The following RERE variants were observed in gnomAD, a reference collection of about 807,000 sequenced individuals.
RERE encodes the protein arginine-glutamic acid dipeptide repeats protein.
In RERE, 40 loss-of-function variants were observed where a neutral mutation model predicts 146.1. That is an observed-to-expected ratio of 0.27 (90% CI 0.21 to 0.36). The LOEUF is 0.36. RERE is among the 10% of genes least tolerant of loss of function. The pLI is 1.00. For missense variants in RERE, 1,933 were observed against 2,138.7 expected, an observed-to-expected ratio of 0.90 and a Z score of 1.90; for synonymous variants, 1,003 against 866.0, an observed-to-expected ratio of 1.16 and a Z score of -2.78.
chr1:8,381,138 C>T (rs1309756806), intron 12 of RERE: 4 of 380,978 alleles, frequency 1.0e-5, no homozygotes, highest in Admixed American at 3.2e-5. Flanking sequence ...GTTTCCGATG[C>T]GCCTGTTTCC....
chr1:8,473,753 C>A (rs1644720334), intron 10 of RERE, among the ~76,000 whole-genome samples: 1 of 152,228 alleles, frequency 6.6e-6, no homozygotes, highest in Admixed American at 6.5e-5. Flanking sequence ...ATGGGCCTAA[C>A]ACCACCAGCC....
At chr1:8,357,129 G>A (rs536459620) in intron 20 of RERE, among the ~76,000 whole-genome samples, 33 of 152,178 alleles carry the variant, frequency 2.2e-4, no homozygotes, top group Non-Finnish European at 3.1e-4. Context: ...CGTGGCACAC[G>A]TCTTTCAACT....
At chr1:8,528,288 C>T (rs183841751) in intron 7 of RERE, among the ~76,000 whole-genome samples, 1 of 152,134 alleles carries the variant, frequency 6.6e-6, no homozygotes, top group East Asian at 1.9e-4. Flanking sequence ...CAAAGAGAGA[C>T]AAGGGATATT....
chr1:8,420,201 T>A (rs1643887593), intron 12 of RERE, among the ~76,000 whole-genome samples: 1 of 152,144 alleles, frequency 6.6e-6, no homozygotes, highest in East Asian at 1.9e-4. Context: ...CATGGTAGCG[T>A]GCACCTGTAA....
In RERE at chr1:8,354,950, G is replaced by A. The variant is rs553787964; in HGVS notation, c.*137C>T. ...ACACTACTATGTGGATACATTTTTA[G>A]TTGTGGGTTTTTAAATATATAAAGA... On this transcript the variant is annotated 3_prime_UTR_variant, in exon 23 of 23. Coordinates refer to ENST00000400908, the MANE Select transcript of RERE (RefSeq NM_001042681.2). The A allele has an allele frequency of 6.3e-5, 45 of 712,150 alleles. No individual in the cohort carries two copies. The East Asian group carries it at 1.1e-3, about 17-fold the overall frequency. 44.1% of individuals were successfully genotyped at this position (712,150 alleles called of 1,614,324 possible).
At chr1:8,525,674 G>T (rs946975840) in intron 7 of RERE, 4 of 1,363,214 alleles carry the variant, frequency 2.9e-6, no homozygotes, top group South Asian at 1.5e-5. Flanking sequence ...TATGAATGAT[G>T]AAATGATTCA....
chr1:8,567,950 G>A (rs949142993), intron 4 of RERE, among the ~76,000 whole-genome samples: 1 of 152,222 alleles, frequency 6.6e-6, no homozygotes, highest in South Asian at 2.1e-4. Context: ...CCTGACTGTG[G>A]GGTTAATATC....
intron 4 of RERE, among the ~76,000 whole-genome samples, chr1:8,562,223 C>G (rs1045551816): frequency 6.6e-6 from 1 of 152,126 alleles, no homozygotes; most frequent in African/African-American, 2.4e-5. Flanking sequence ...TAGTGTCATA[C>G]AGCAAATTAA....
chr1:8,445,639 T>C (rs183850210), intron 11 of RERE, among the ~76,000 whole-genome samples: 34 of 151,994 alleles, frequency 2.2e-4, no homozygotes, highest in Admixed American at 1.6e-3. Flanking sequence ...AGAAGACAGA[T>C]AGACAATCGT....
intron 11 of RERE, among the ~76,000 whole-genome samples, chr1:8,443,545 T>C (rs905436164): frequency 6.6e-6 from 1 of 151,826 alleles, no homozygotes; most frequent in African/African-American, 2.4e-5. Flanking sequence ...CTAGAGATAT[T>C]TGTGTAACTA....
At chr1:8,635,687 A>G (rs912226978) in intron 2 of RERE, among the ~76,000 whole-genome samples, 1 of 152,234 alleles carries the variant, frequency 6.6e-6, no homozygotes, top group African/African-American at 2.4e-5. Context: ...TTCTAAACAA[A>G]GTATATGAAA....
intron 7 of RERE, among the ~76,000 whole-genome samples, chr1:8,508,967 T>C (rs1645293919): frequency 3.3e-5 from 5 of 152,072 alleles, no homozygotes; most frequent in Admixed American, 3.3e-4. Flanking sequence ...CAGGCTGGAG[T>C]GCAGTGGCAC....
intron 4 of RERE, among the ~76,000 whole-genome samples, chr1:8,571,523 T>C (rs1646220756): frequency 6.6e-6 from 1 of 152,156 alleles, no homozygotes; most frequent in Non-Finnish European, 1.5e-5. Context: ...ATAAACAAAT[T>C]CAAATAGTTG....
At chr1:8,622,507 A>C (rs1646928556) in intron 3 of RERE, among the ~76,000 whole-genome samples, 1 of 139,942 alleles carries the variant, frequency 7.1e-6, no homozygotes, top group African/African-American at 2.6e-5. Flanking sequence ...AAAAAAAAAA[A>C]AAAACACACT....
rs1646146986 is a variant in RERE, at chr1:8,565,890, TG to T, written c.523-8368del. On this transcript the variant is annotated intron_variant, in intron 4 of 22. Coordinates refer to ENST00000400908, the MANE Select transcript of RERE (RefSeq NM_001042681.2). ...TGTATCCCAGGGTTCTGCTCTGACATGGGGACCAGTGGGTAAGGGGAAAAAC... is the reference window on the plus strand; with the variant it reads ...TGTATCCCAGGGTTCTGCTCTGACATGGGACCAGTGGGTAAGGGGAAAAAC... Among the ~76,000 whole-genome samples the T allele has an allele frequency of 2.0e-5, 3 of 152,242 alleles. No homozygotes were observed. In the South Asian group the frequency reaches 6.2e-4, roughly 32 times the overall value.
chr1:8,352,809 G>C lies in RERE; in HGVS notation c.*2278C>G, dbSNP rs1358527207. On this transcript the variant is annotated 3_prime_UTR_variant, in exon 23 of 23. Transcript: ENST00000400908. ...CGGGTCGAGGGTTTTTTAGATGGAA[G>C]AATCTCAGCGCTTCGCCTTGGGATA... 1 of 152,478 alleles carries C rather than the reference G, an allele frequency of 6.6e-6. No individual in the cohort carries two copies. The highest frequency in any genetic ancestry group is 2.4e-5 in the African/African-American group (1 of 41,470). 9.4% of individuals were successfully genotyped at this position (152,478 alleles called of 1,614,324 possible).
intron 11 of RERE, among the ~76,000 whole-genome samples, chr1:8,456,674 C>T (rs1377786971): frequency 2.0e-5 from 3 of 152,090 alleles, no homozygotes; most frequent in South Asian, 2.1e-4. Context: ...GGTGGCCTTC[C>T]GACTTCATCT....
intron 3 of RERE, among the ~76,000 whole-genome samples, chr1:8,617,383 T>TAA (rs1288225224): frequency 2.1e-5 from 3 of 140,502 alleles, no homozygotes; most frequent in Non-Finnish European, 3.0e-5. Flanking sequence ...TCTTAACTCT[T>TAA]AAAGAATTAA....
chr1:8,804,986 T>G (rs1013656636), intron 1 of RERE, among the ~76,000 whole-genome samples: 15 of 150,392 alleles, frequency 1.0e-4, no homozygotes, highest in African/African-American at 3.7e-4. Flanking sequence ...CAAATGATTT[T>G]TTTTGTTTTG....
Sources: gnomAD v4.1 joint callset for allele counts (sites outside exome capture counted in the v4.1 genomes callset) on GRCh38, gnomAD v4.1.1 for gene constraint, MANE v1.5 for transcripts, NCBI Gene and HGNC (gene_info 2026-07-23, HGNC 2026-07-21) for gene names.